Variants in HDGFL2 observed in about 807,000 individuals in gnomAD.
HDGFL2 encodes hepatoma-derived growth factor-related protein 2.
HDGFL2 carries 36 observed loss-of-function variants against 77.1 expected under a neutral mutation model. That is an observed-to-expected ratio of 0.47 (90% CI 0.36 to 0.62). The LOEUF (loss-of-function observed/expected upper bound fraction) is 0.62. Among genes scored for constraint, HDGFL2 ranks in the 20% least tolerant of loss-of-function variants. HDGFL2 has a pLI of 0.00. For missense variants in HDGFL2, 976 were observed against 973.4 expected (o/e 1.00, Z -0.04); for synonymous variants, 463 against 413.1 (o/e 1.12, Z -1.46).
intron 3 of HDGFL2, among the ~76,000 whole-genome samples, chr19:4,482,025 C>T (rs887938040): frequency 1.4e-4 from 13 of 90,784 alleles, no homozygotes; most frequent in African/African-American, 6.2e-4. Context: ...CTGGCTTTGG[C>T]CTTTTTTTTT....
chr19:4,496,885 TG>T, intron 10 of HDGFL2: 4 of 408,950 alleles, frequency 9.8e-6, no homozygotes, highest in African/African-American at 2.1e-5. Context: ...TTTTTTTTTT[TG>T]AGATGGAGTC....
At chr19:4,491,527 C>A (rs764880697) in intron 4 of HDGFL2, 39 bp from the exon 5 acceptor site, 41 of 1,579,690 alleles carry the variant, frequency 2.6e-5, no homozygotes, top group African/African-American at 2.3e-4. Flanking sequence ...AGGAGCCCGG[C>A]CTTCCCATCA....
chr19:4,498,697 G>A (rs1238906929), intron 12 of HDGFL2, 117 bp from the exon 13 acceptor site: 8 of 692,544 alleles, frequency 1.2e-5, no homozygotes, highest in African/African-American at 1.1e-4. Flanking sequence ...GAGCTGTTCT[G>A]CAGATACAGC....
At position 4,499,746 on chromosome 19, in the gene HDGFL2, A is replaced by G. The variant is rs1308242639; in HGVS notation, c.1789+42A>G. On this transcript the variant is annotated intron_variant, in intron 14 of 15. Transcript: ENST00000616600. Reference sequence around the variant, plus strand: ...GTGGGCCCTGTACCTCAGTCTCCTCAGCTGAAGAAACAGATGCTTTGCAGA... The same window carrying G: ...GTGGGCCCTGTACCTCAGTCTCCTCGGCTGAAGAAACAGATGCTTTGCAGA... 3.5e-6 allele frequency: 5 copies of G among 1,410,980 alleles called. No homozygotes were observed. The African/African-American group carries it at 7.1e-5, about 20-fold the overall frequency. The allele number at this position is 1,410,980 out of a possible 1,614,324, so 87.4% of individuals were successfully genotyped here.
chr19:4,493,626 AG>A, intron 6 of HDGFL2, 76 bp from the exon 7 acceptor site: 3 of 1,317,860 alleles, frequency 2.3e-6, no homozygotes, highest in Non-Finnish European at 2.9e-6. Context: ...GGGGTGCGGG[AG>A]CCTCCTCTGG....
chr19:4,489,518 T>C (rs1220800932), intron 4 of HDGFL2, among the ~76,000 whole-genome samples: 2 of 151,930 alleles, frequency 1.3e-5, no homozygotes, highest in Non-Finnish European at 2.9e-5. Context: ...ATTCCCCTGC[T>C]TCAGCCTCCG....
chr19:4,492,937 G>T (rs984088945), intron 6 of HDGFL2, among the ~76,000 whole-genome samples: 5 of 108,688 alleles, frequency 4.6e-5, no homozygotes, highest in Admixed American at 1.8e-4. Flanking sequence ...TGTGTGTGTG[G>T]TGTGTGTGTG....
chr19:4,477,113 G>C (rs1975092837), intron 3 of HDGFL2, among the ~76,000 whole-genome samples: 2 of 152,158 alleles, frequency 1.3e-5, no homozygotes, highest in Admixed American at 6.5e-5. Flanking sequence ...AGAACCTGGG[G>C]TCTTGAGGTG....
At position 4,501,273 on chromosome 19, in the gene HDGFL2, C is replaced by G. The variant is rs1975871773; in HGVS notation, c.1872C>G (p.Asp624Glu). The change falls in exon 15 of 16, where the codon GAC becomes GAG. Residue 624 changes from aspartate to glutamate, a missense_variant. Physicochemically the swap from Asp to Glu is conservative, Grantham distance 45. Coordinates refer to ENST00000616600, the MANE Select transcript of HDGFL2 (RefSeq NM_001001520.3). ...AEDKEHEEGR[D>E]SEEGPRCGSS... ...ACAAGGAGCACGAGGAGGGTCGGGA[C>G]TCGGAGGAGGGGCCAAGGTGTGGCT... is the stretch of plus-strand genomic sequence containing the variant. The G allele has an allele frequency of 6.2e-7, 1 of 1,612,150 alleles. No individual in the cohort carries two copies. The highest frequency in any genetic ancestry group is 1.3e-5 in the African/African-American group (1 of 74,918).
In HDGFL2 at chr19:4,496,417, T is replaced by C. The variant is rs752664907; in HGVS notation, c.1328+12T>C. 1.9e-6 allele frequency: 3 copies of C among 1,609,180 alleles called. No individual in the cohort carries two copies. In the Admixed American group the frequency reaches 5.0e-5, roughly 27 times the overall value. Reference sequence around the variant, plus strand: ...AAGCAACAAGCCAAGTGAGCCCTGCTCTGCCCCTCCACACCCTGGGGGCCC... The same window carrying C: ...AAGCAACAAGCCAAGTGAGCCCTGCCCTGCCCCTCCACACCCTGGGGGCCC... On this transcript the variant is annotated intron_variant, in intron 10 of 15. Transcript: ENST00000616600.
chr19:4,472,671 C>G (rs1228770429), intron 1 of HDGFL2, among the ~76,000 whole-genome samples: 3 of 149,672 alleles, frequency 2.0e-5, no homozygotes, highest in Non-Finnish European at 4.5e-5. Flanking sequence ...GCCGGAGCCG[C>G]GCCCCGGGGT....
At chr19:4,482,109 T>G (rs920264104) in intron 3 of HDGFL2, among the ~76,000 whole-genome samples, 6 of 142,206 alleles carry the variant, frequency 4.2e-5, no homozygotes, top group Non-Finnish European at 9.0e-5. Flanking sequence ...CTCGGTTCAC[T>G]GCAAGCTCCA....
At chr19:4,479,151 C>T (rs990184547) in intron 3 of HDGFL2, among the ~76,000 whole-genome samples, 1 of 151,580 alleles carries the variant, frequency 6.6e-6, no homozygotes, top group Non-Finnish European at 1.5e-5. Context: ...CATGGCGAAA[C>T]CCCATTCTAC....
At chr19:4,473,181 T>C (rs1303962180) in intron 1 of HDGFL2, among the ~76,000 whole-genome samples, 1 of 141,346 alleles carries the variant, frequency 7.1e-6, no homozygotes, top group Non-Finnish European at 1.5e-5. Context: ...ATGGCGGTCC[T>C]GGACCTGAGG....
Position 4,493,881 on chromosome 19 carries a change from C to T in HDGFL2, c.838+19C>T. 6.6e-7 allele frequency: 1 copy of T among 1,506,188 alleles called. No individual in the cohort carries two copies. Among genetic ancestry groups the T allele is most frequent in the Non-Finnish European group, 8.9e-7 (1 of 1,120,470 alleles). The allele number at this position is 1,506,188 out of a possible 1,614,324, so 93.3% of individuals were successfully genotyped here. On this transcript the variant is annotated intron_variant, in intron 7 of 15. Transcript: ENST00000616600. ...AAGCCAGGTAGGGCCCTCGTGCTCGCACATCTCTTGGCCTGGCCCCTGCCG... is the reference window on the plus strand; with the variant it reads ...AAGCCAGGTAGGGCCCTCGTGCTCGTACATCTCTTGGCCTGGCCCCTGCCG...
intron 15 of HDGFL2, 181 bp from the exon 16 acceptor site, chr19:4,501,730 G>A (rs568690000): frequency 1.3e-5 from 7 of 537,226 alleles, no homozygotes; most frequent in Admixed American, 7.5e-5. Flanking sequence ...TGGCGCCAGC[G>A]TGGGGACCCT....
At chr19:4,491,706 G>A in intron 5 of HDGFL2, 24 bp downstream of exon 5, 2 of 1,613,550 alleles carry the variant, frequency 1.2e-6, no homozygotes, top group Non-Finnish European at 1.7e-6. Context: ...TCCTTGGGAT[G>A]GCAGGGAAGC....
intron 3 of HDGFL2, among the ~76,000 whole-genome samples, chr19:4,487,279 C>T (rs1291301865): frequency 2.7e-5 from 4 of 150,784 alleles, no homozygotes; most frequent in Admixed American, 6.6e-5. Flanking sequence ...CTCTTACAAA[C>T]GGGGTCTTGC....
intron 13 of HDGFL2, 24 bp downstream of exon 13, chr19:4,498,939 C>G (rs757067214): frequency 6.5e-7 from 1 of 1,531,094 alleles, no homozygotes; most frequent in Admixed American, 1.8e-5. Flanking sequence ...ATCAGAGGCG[C>G]AGGGTGCAGT....
Sources: allele counts gnomAD v4.1 joint callset (sites outside exome capture counted in the v4.1 genomes callset), GRCh38; gene constraint gnomAD v4.1.1; transcripts MANE v1.5; gene names NCBI Gene and HGNC (gene_info 2026-07-23, HGNC 2026-07-21).